IQUB: variants seen among roughly 807,000 people sequenced by gnomAD.
The protein encoded by IQUB is IQ motif and ubiquitin-like domain-containing protein.
In IQUB, 86 loss-of-function variants were observed where a neutral mutation model predicts 86.4. That is an observed-to-expected ratio of 1.00 (90% confidence interval 0.84 to 1.19). IQUB has a LOEUF of 1.19. Among genes scored for constraint, IQUB ranks in the 50% most tolerant of loss-of-function variants. IQUB has a pLI of 0.00. For missense variants in IQUB, 946 were observed against 916.9 expected (o/e 1.03, Z -0.41); for synonymous variants, 289 against 304.5 (o/e 0.95, Z 0.53).
chr7:123,515,093 C>CA (rs1200643858), intron 1 of IQUB, among the ~76,000 whole-genome samples: 1 of 151,898 alleles, frequency 6.6e-6, no homozygotes, highest in Non-Finnish European at 1.5e-5. Context: ...GCTCTCACCA[C>CA]AAAAAACAAA....
At chr7:123,487,231 A>G (rs998944645) in intron 7 of IQUB, among the ~76,000 whole-genome samples, 5 of 152,172 alleles carry the variant, frequency 3.3e-5, no homozygotes, top group Non-Finnish European at 5.9e-5. Flanking sequence ...TGGTTCCTGT[A>G]CAGCCTGTGG....
At chr7:123,531,638 C>T (rs1262367140) in intron 1 of IQUB, among the ~76,000 whole-genome samples, 3 of 152,166 alleles carry the variant, frequency 2.0e-5, no homozygotes, top group East Asian at 3.9e-4. Flanking sequence ...ACTCCACTGA[C>T]CGTCAGGTAC....
At chr7:123,483,124 G>C (rs1795077407) in intron 7 of IQUB, among the ~76,000 whole-genome samples, 1 of 152,032 alleles carries the variant, frequency 6.6e-6, no homozygotes, top group Non-Finnish European at 1.5e-5. Flanking sequence ...TCAATTCGCA[G>C]AATAAATTCT....
chr7:123,523,387 T>C (rs1283503553), intron 1 of IQUB, among the ~76,000 whole-genome samples: 1 of 150,450 alleles, frequency 6.6e-6, no homozygotes, highest in African/African-American at 2.4e-5. Flanking sequence ...TTTTTAATGA[T>C]TGCCATTCTA....
chr7:123,484,259 T>C (rs57488178), intron 7 of IQUB, among the ~76,000 whole-genome samples: 40,022 of 151,310 alleles, frequency 0.26, 5,521 homozygotes, highest in East Asian at 0.33. Context: ...AGCTAAATTA[T>C]GTTATGAAAG....
chr7:123,523,817 T>C (rs1302679156), intron 1 of IQUB, among the ~76,000 whole-genome samples: 1 of 152,180 alleles, frequency 6.6e-6, no homozygotes, highest in African/African-American at 2.4e-5. Context: ...GGTTTTCTTG[T>C]AGGGTTTTTA....
chr7:123,527,076 C>G (rs142290772), intron 1 of IQUB, among the ~76,000 whole-genome samples: 1 of 152,172 alleles, frequency 6.6e-6, no homozygotes, highest in Non-Finnish European at 1.5e-5. Flanking sequence ...CATCTTCCAT[C>G]GCTGATACCC....
chr7:123,512,754 C>T (rs1001714942), intron 1 of IQUB, among the ~76,000 whole-genome samples: 2 of 152,036 alleles, frequency 1.3e-5, no homozygotes, highest in Non-Finnish European at 2.9e-5. Flanking sequence ...GCAAGTGTAC[C>T]CTGAACAGAA....
chr7:123,452,554 A>G lies in IQUB; in HGVS notation c.*189T>C, dbSNP rs1425760225. 2 of 385,900 alleles carry G rather than the reference A, an allele frequency of 5.2e-6. No individual in the cohort carries two copies. The highest frequency in any genetic ancestry group is 9.2e-6 in the Non-Finnish European group (2 of 218,550). 23.9% of individuals were successfully genotyped at this position (385,900 alleles called of 1,614,324 possible). On this transcript the variant is annotated 3_prime_UTR_variant, in exon 13 of 13. Coordinates refer to ENST00000324698, the MANE Select transcript of IQUB (RefSeq NM_178827.5). ...TAACAAAATTGCATTTCAATTTAGC[A>G]CCAACTTCCTAACAAAGAATACTTA... is the stretch of plus-strand genomic sequence containing the variant.
chr7:123,473,622 C>T (rs1202214468), intron 8 of IQUB, among the ~76,000 whole-genome samples: 1 of 152,092 alleles, frequency 6.6e-6, no homozygotes, highest in East Asian at 1.9e-4. Flanking sequence ...GTTGCCCAGG[C>T]TGGAGTGCAA....
chr7:123,519,762 T>C (rs1562874036), intron 1 of IQUB, among the ~76,000 whole-genome samples: 1 of 152,178 alleles, frequency 6.6e-6, no homozygotes, highest in Non-Finnish European at 1.5e-5. Context: ...GTTAACAATA[T>C]TTTATATTTC....
chr7:123,492,787 T>C (rs1207998439), intron 7 of IQUB, among the ~76,000 whole-genome samples: 1 of 152,108 alleles, frequency 6.6e-6, no homozygotes, highest in East Asian at 1.9e-4. Context: ...ATCCTGAGGA[T>C]CTTGAGCTGA....
chr7:123,508,346 G>A (rs564248676), intron 3 of IQUB, among the ~76,000 whole-genome samples: 2 of 152,282 alleles, frequency 1.3e-5, no homozygotes, highest in Admixed American at 6.5e-5. Flanking sequence ...AACTATAAGC[G>A]AAATATATGT....
At chr7:123,508,892 C>G (rs1023540043) in intron 3 of IQUB, among the ~76,000 whole-genome samples, 1 of 152,146 alleles carries the variant, frequency 6.6e-6, no homozygotes, top group Non-Finnish European at 1.5e-5. Context: ...GTAGGCAAAA[C>G]ATTTTTTGGA....
chr7:123,470,183 T>C (rs889495382), intron 8 of IQUB, among the ~76,000 whole-genome samples: 1 of 152,194 alleles, frequency 6.6e-6, no homozygotes, highest in Non-Finnish European at 1.5e-5. Flanking sequence ...TACCTCTGTG[T>C]TTGCCACTGC....
intron 2 of IQUB, among the ~76,000 whole-genome samples, chr7:123,510,938 A>G (rs1339091077): frequency 6.6e-6 from 1 of 152,188 alleles, no homozygotes. Context: ...TGTGAAGTTC[A>G]GGAGGTAAAG....
chr7:123,457,239 AT>A lies in IQUB; in HGVS notation c.2193+141del, dbSNP rs1038930511. The A allele has an allele frequency of 1.2e-5, 17 of 1,417,930 alleles. No homozygotes were observed. The African/African-American group carries it at 1.5e-4, about 12-fold the overall frequency. 87.8% of individuals were successfully genotyped at this position (1,417,930 alleles called of 1,614,324 possible). On this transcript the variant is annotated intron_variant, in intron 12 of 12. Coordinates refer to ENST00000324698, the MANE Select transcript of IQUB (RefSeq NM_178827.5). ...TCTGTGCCATATATGCCATCCATAA[AT>A]TTTTTTGTTGTTAATCCATAAGTTC...
chr7:123,460,617 T>A (rs750331906), intron 11 of IQUB, among the ~76,000 whole-genome samples: 28 of 151,928 alleles, frequency 1.8e-4, no homozygotes, highest in Non-Finnish European at 3.5e-4. Context: ...TGGGTAGCCA[T>A]ATCAACAACA....
chr7:123,493,705 T>A (rs1244124115), intron 7 of IQUB, among the ~76,000 whole-genome samples: 1 of 149,106 alleles, frequency 6.7e-6, no homozygotes, highest in East Asian at 2.0e-4. Context: ...ACTGCTAGGT[T>A]TACACCCTGA....
Sources: allele counts gnomAD v4.1 joint callset (sites outside exome capture counted in the v4.1 genomes callset), GRCh38; gene constraint gnomAD v4.1.1; transcripts MANE v1.5; gene names NCBI Gene and HGNC (gene_info 2026-07-23, HGNC 2026-07-21).